The following ATXN7L1 variants were observed in gnomAD, a reference collection of about 807,000 sequenced individuals.
ATXN7L1 encodes ataxin-7-like protein 1.
A neutral mutation model predicts 70.8 loss-of-function variants in ATXN7L1; 15 were observed. The observed-to-expected ratio is 0.21, with a 90% CI of 0.14 to 0.33. The LOEUF (loss-of-function observed/expected upper bound fraction) is 0.33. ATXN7L1 is among the 10% of genes least tolerant of loss of function. ATXN7L1 has a pLI of 1.00. For synonymous variants in ATXN7L1, 440 were observed against 445.1 expected (o/e 0.99, Z 0.14); for missense variants, 975 against 1,097.1 (o/e 0.89, Z 1.57).
chr7:105,826,696 C>A (rs989065329), intron 2 of ATXN7L1, among the ~76,000 whole-genome samples: 4 of 151,766 alleles, frequency 2.6e-5, no homozygotes, highest in African/African-American at 9.7e-5. Flanking sequence ...AAAAACAAAG[C>A]AATAATAATC....
intron 2 of ATXN7L1, among the ~76,000 whole-genome samples, chr7:105,801,832 A>G (rs1030556295): frequency 6.6e-6 from 1 of 152,210 alleles, no homozygotes; most frequent in Non-Finnish European, 1.5e-5. Context: ...GAGTAGTTAC[A>G]CCTTGAAAAT....
chr7:105,742,882 T>C (rs1274545728), intron 3 of ATXN7L1, among the ~76,000 whole-genome samples: 1 of 152,084 alleles, frequency 6.6e-6, no homozygotes, highest in African/African-American at 2.4e-5. Flanking sequence ...GGGGATCCTA[T>C]AGCTTCCCTT....
At chr7:105,834,435 G>T (rs1247389034) in intron 2 of ATXN7L1, among the ~76,000 whole-genome samples, 1 of 152,136 alleles carries the variant, frequency 6.6e-6, no homozygotes, top group Non-Finnish European at 1.5e-5. Flanking sequence ...TCCTATCTTT[G>T]GAACTATGGG....
In ATXN7L1 at chr7:105,625,569, A is replaced by G. The variant is rs112862757; in HGVS notation, c.1203-1302T>C. On this transcript the variant is annotated intron_variant, in intron 7 of 11. Transcript: ENST00000419735. ...CCCAGCTTCAATTTACTTTTTGACA[A>G]GCCCTTTTACGCACTGTGGGGCATG... is the stretch of plus-strand genomic sequence containing the variant. 8.7e-3 allele frequency among the ~76,000 whole-genome samples: 1,327 copies of G among 152,286 alleles called. 20 individuals carry two copies. Among genetic ancestry groups the G allele is most frequent in the African/African-American group, 0.031 (1,271 of 41,564 alleles).
intron 3 of ATXN7L1, among the ~76,000 whole-genome samples, chr7:105,743,274 A>G (rs1181878257): frequency 2.6e-5 from 4 of 152,230 alleles, no homozygotes; most frequent in Non-Finnish European, 5.9e-5. Flanking sequence ...TATCTGTGCC[A>G]AGAACTGGGG....
chr7:105,875,633 C>CCT (rs1040412305), intron 2 of ATXN7L1, among the ~76,000 whole-genome samples, 179 bp downstream of exon 2: 3 of 124,384 alleles, frequency 2.4e-5, no homozygotes, highest in Admixed American at 1.7e-4. Context: ...CTTTACCCCC[C>CCT]CCCCAGTTGT....
intron 2 of ATXN7L1, 40 bp from the exon 3 acceptor site, chr7:105,788,748 A>G (rs749984922): frequency 4.0e-5 from 60 of 1,494,112 alleles, no homozygotes; most frequent in Admixed American, 6.8e-5. Context: ...TGAAAAAGCA[A>G]TTAAGTCTCA....
intron 3 of ATXN7L1, among the ~76,000 whole-genome samples, chr7:105,694,954 C>T (rs1015964010): frequency 2.0e-5 from 3 of 152,218 alleles, no homozygotes; most frequent in African/African-American, 2.4e-5. Context: ...GAGTTCGAAA[C>T]CAGCCCAGCC....
chr7:105,793,244 G>A (rs958118413), intron 2 of ATXN7L1, among the ~76,000 whole-genome samples: 5 of 152,214 alleles, frequency 3.3e-5, no homozygotes, highest in Admixed American at 2.0e-4. Flanking sequence ...AGGTGAGGTT[G>A]GGAGCAGAGG....
At chr7:105,789,003 G>A (rs1262633236) in intron 2 of ATXN7L1, among the ~76,000 whole-genome samples, 1 of 152,244 alleles carries the variant, frequency 6.6e-6, no homozygotes, top group Admixed American at 6.5e-5. Flanking sequence ...GAATCACCCT[G>A]TCCTGAGAGA....
chr7:105,870,396 C>G (rs1441250507), intron 2 of ATXN7L1, among the ~76,000 whole-genome samples: 1 of 151,922 alleles, frequency 6.6e-6, no homozygotes, highest in Non-Finnish European at 1.5e-5. Context: ...TGCTACGTAT[C>G]TTTTCTTTTC....
chr7:105,722,595 A>G (rs1487778787), intron 3 of ATXN7L1, among the ~76,000 whole-genome samples: 2 of 134,308 alleles, frequency 1.5e-5, no homozygotes, highest in Non-Finnish European at 3.1e-5. Flanking sequence ...AAAAAAAAAA[A>G]AAAGGTTGGG....
intron 3 of ATXN7L1, among the ~76,000 whole-genome samples, chr7:105,771,738 C>T (rs1329337568): frequency 1.3e-5 from 2 of 152,096 alleles, no homozygotes; most frequent in African/African-American, 4.8e-5. Flanking sequence ...TTTGTGTTAT[C>T]TGAGAAGACA....
At chr7:105,844,539 A>C (rs2116616233) in intron 2 of ATXN7L1, among the ~76,000 whole-genome samples, 1 of 152,336 alleles carries the variant, frequency 6.6e-6, no homozygotes, top group South Asian at 2.1e-4. Flanking sequence ...CCTTCTTAAT[A>C]AAAACACTCA....
chr7:105,772,283 A>G (rs1422176940), intron 3 of ATXN7L1, among the ~76,000 whole-genome samples: 1 of 152,064 alleles, frequency 6.6e-6, no homozygotes, highest in African/African-American at 2.4e-5. Context: ...CATGTTGGCC[A>G]GGCTGGTCTT....
intron 3 of ATXN7L1, among the ~76,000 whole-genome samples, chr7:105,718,344 A>G (rs910882623): frequency 3.3e-5 from 5 of 152,218 alleles, no homozygotes; most frequent in Non-Finnish European, 5.9e-5. Flanking sequence ...AAGCAGTCCG[A>G]ATTCCGAGTT....
intron 3 of ATXN7L1, among the ~76,000 whole-genome samples, chr7:105,679,818 G>A (rs185376081): frequency 3.1e-3 from 473 of 152,094 alleles, no homozygotes; most frequent in African/African-American, 0.011. Flanking sequence ...ATGGGCACAG[G>A]GTCTTCTTTA....
chr7:105,657,734 TAAG>T (rs1342799882), intron 4 of ATXN7L1, among the ~76,000 whole-genome samples: 1 of 93,096 alleles, frequency 1.1e-5, no homozygotes, highest in Non-Finnish European at 2.2e-5. Context: ...AAAAAAAAGA[TAAG>T]AAAAAAAGTG....
chr7:105,762,829 C>T (rs911880033), intron 3 of ATXN7L1, among the ~76,000 whole-genome samples: 1 of 152,200 alleles, frequency 6.6e-6, no homozygotes, highest in Non-Finnish European at 1.5e-5. Context: ...CCATAAAAGG[C>T]ATTTTGACTT....
Sources: gnomAD v4.1 joint callset for allele counts (sites outside exome capture counted in the v4.1 genomes callset) on GRCh38, gnomAD v4.1.1 for gene constraint, MANE v1.5 for transcripts, NCBI Gene and HGNC (gene_info 2026-07-23, HGNC 2026-07-21) for gene names.